Variants in CATSPERD observed in about 807,000 individuals in gnomAD.
The protein encoded by CATSPERD is catsper channel auxiliary subunit delta, also known as cation channel sperm-associated auxiliary subunit delta.
A neutral mutation model predicts 98.1 loss-of-function variants in CATSPERD; 86 were observed. That is an observed-to-expected ratio of 0.88 (90% confidence interval 0.74 to 1.05). The LOEUF is 1.05. Ranked by LOEUF, CATSPERD falls within the 50% of genes least tolerant of loss-of-function variation. The pLI is 0.00. For missense variants in CATSPERD, 995 were observed against 1,005.7 expected (o/e 0.99, Z 0.14); for synonymous variants, 394 against 390.2 (o/e 1.01, Z -0.12).
At chr19:5,749,501 T>C (rs1289219533) in intron 11 of CATSPERD, among the ~76,000 whole-genome samples, 1 of 152,168 alleles carries the variant, frequency 6.6e-6, no homozygotes, top group Admixed American at 6.6e-5. Flanking sequence ...AATAATGGTC[T>C]TGTTCACAAA....
intron 19 of CATSPERD, 98 bp from the exon 20 acceptor site, chr19:5,772,690 C>A: frequency 8.0e-7 from 1 of 1,253,270 alleles, no homozygotes; most frequent in Non-Finnish European, 1.1e-6. Flanking sequence ...CACCTCCCAC[C>A]CCCCAAGCGG....
chr19:5,767,551 G>C (rs1248973413), intron 17 of CATSPERD, among the ~76,000 whole-genome samples: 1 of 147,348 alleles, frequency 6.8e-6, no homozygotes, highest in Non-Finnish European at 1.5e-5. Flanking sequence ...GCAGTGGCAT[G>C]ATCTCGGCTC....
chr19:5,764,460 C>T (rs531041421), intron 16 of CATSPERD, among the ~76,000 whole-genome samples: 309 of 151,686 alleles, frequency 2.0e-3, no homozygotes, highest in African/African-American at 7.1e-3. Context: ...GGACTACAGG[C>T]GCCTGCCACC....
chr19:5,728,497 C>T (rs537189346), intron 3 of CATSPERD, among the ~76,000 whole-genome samples: 16 of 151,854 alleles, frequency 1.1e-4, no homozygotes, highest in Non-Finnish European at 2.1e-4. Context: ...CGAGGGGGTA[C>T]AGTGAGCCAT....
At chr19:5,762,058 A>ATTTTTTTTTTTTTTTT (rs869295948) in intron 15 of CATSPERD, among the ~76,000 whole-genome samples, 2 of 10,442 alleles carry the variant, frequency 1.9e-4, no homozygotes, top group Non-Finnish European at 3.6e-4. Context: ...ATATATATAT[A>ATTTTTTTTTTTTTTTT]TTTTTTTTTT....
At chr19:5,762,058 A>ATATATATATATATATATATATT in intron 15 of CATSPERD, among the ~76,000 whole-genome samples, 2 of 10,440 alleles carry the variant, frequency 1.9e-4, no homozygotes, top group Non-Finnish European at 3.6e-4. Context: ...ATATATATAT[A>ATATATATATATATATATATATT]TTTTTTTTTT....
At chr19:5,728,131 G>T (rs1391967438) in intron 3 of CATSPERD, among the ~76,000 whole-genome samples, 6 of 151,518 alleles carry the variant, frequency 4.0e-5, no homozygotes, top group Non-Finnish European at 7.4e-5. Flanking sequence ...AGGCCGAGGT[G>T]GGGGGATCAC....
chr19:5,769,084 G>A (rs1599590810), intron 18 of CATSPERD, among the ~76,000 whole-genome samples: 1 of 151,794 alleles, frequency 6.6e-6, no homozygotes, highest in East Asian at 1.9e-4. Context: ...AAACTGGGAG[G>A]CAGAGGTTGC....
At chr19:5,767,889 C>G (rs1222065032) in intron 17 of CATSPERD, among the ~76,000 whole-genome samples, 1 of 152,080 alleles carries the variant, frequency 6.6e-6, no homozygotes, top group Non-Finnish European at 1.5e-5. Flanking sequence ...CTCCGCCTCC[C>G]AGGTTCAAGT....
rs116784915 is a variant in CATSPERD at position 5,754,216 on chromosome 19, C to T, written c.1249C>T (p.Pro417Ser). The stretch of plus-strand genomic sequence containing the variant: ...GCTGGAATTGACTGCTTCGTTGATA[C>T]CCCAGCCAGGCACATCCCTGATTCC... ...SQLELTASLI[P>S]QPGTSLIPLV... The change falls in exon 13 of 22, where the codon CCC becomes TCC. Residue 417 changes from proline to serine, a missense_variant. Coordinates refer to ENST00000381624, the MANE Select transcript of CATSPERD (RefSeq NM_152784.4). 1,846 of 1,613,420 alleles carry T rather than the reference C, an allele frequency of 1.1e-3. 25 individuals carry two copies. The African/African-American group carries it at 0.022, about 19-fold the overall frequency.
At chr19:5,721,538 T>C (rs1365309105) in intron 1 of CATSPERD, among the ~76,000 whole-genome samples, 1 of 152,240 alleles carries the variant, frequency 6.6e-6, no homozygotes, top group Non-Finnish European at 1.5e-5. Flanking sequence ...GTTCCTGCCC[T>C]CAGGGAACTC....
chr19:5,723,378 A>C (rs576044070), intron 1 of CATSPERD, among the ~76,000 whole-genome samples: 1 of 149,410 alleles, frequency 6.7e-6, no homozygotes, highest in East Asian at 2.1e-4. Flanking sequence ...TCTGCCTCCA[A>C]GGTTCAAGCG....
intron 7 of CATSPERD, among the ~76,000 whole-genome samples, chr19:5,742,398 C>T (rs1353539054): frequency 1.3e-5 from 2 of 152,114 alleles, no homozygotes; most frequent in African/African-American, 4.8e-5. Context: ...TTATCACGGA[C>T]ATTTCAAGAG....
chr19:5,760,926 G>C (rs1207367182), intron 15 of CATSPERD, among the ~76,000 whole-genome samples: 1 of 150,154 alleles, frequency 6.7e-6, no homozygotes, highest in African/African-American at 2.5e-5. Flanking sequence ...GCGACAGAGC[G>C]AGACCCCCAT....
At chr19:5,731,301 G>A (rs79928075) in intron 4 of CATSPERD, among the ~76,000 whole-genome samples, 48 of 151,328 alleles carry the variant, frequency 3.2e-4, no homozygotes, top group African/African-American at 1.1e-3. Flanking sequence ...GCAACACAAC[G>A]AAACTCCAAC....
chr19:5,767,858 G>A (rs996507043), intron 17 of CATSPERD, among the ~76,000 whole-genome samples: 4 of 151,224 alleles, frequency 2.6e-5, no homozygotes, highest in East Asian at 2.0e-4. Context: ...GTGCAATGGT[G>A]CAATCTCAGC....
chr19:5,740,762 CAA>C lies in CATSPERD; in HGVS notation c.573+1346_573+1347del, dbSNP rs59937872. On this transcript the variant is annotated intron_variant, in intron 7 of 21. Transcript: ENST00000381624. Reference sequence around the variant, plus strand: ...CCTGGGCAACAGAGAAACTCCGTCTCAAAAAAAAAAAAAAAAAAAAAAAAGCT... The same window carrying C: ...CCTGGGCAACAGAGAAACTCCGTCTCAAAAAAAAAAAAAAAAAAAAAAGCT... Among the ~76,000 whole-genome samples, 154 of 36,442 alleles carry C rather than the reference CAA, an allele frequency of 4.2e-3. 1 individual carries two copies. The highest frequency in any genetic ancestry group is 0.014 in the African/African-American group (139 of 9,980). The allele number at this position is 36,442 out of a possible 152,430, so 23.9% of individuals were successfully genotyped here. A position where few individuals can be genotyped will look rare whatever the true frequency, so the allele number is the denominator to read the frequency against.
At chr19:5,722,862 A>G (rs1464410120) in intron 1 of CATSPERD, among the ~76,000 whole-genome samples, 1 of 151,968 alleles carries the variant, frequency 6.6e-6, no homozygotes, top group African/African-American at 2.4e-5. Context: ...AGGACTTCAT[A>G]ATTTTCCTCA....
intron 4 of CATSPERD, among the ~76,000 whole-genome samples, chr19:5,731,482 C>T (rs2055716284): frequency 6.7e-6 from 1 of 149,504 alleles, no homozygotes; most frequent in African/African-American, 2.5e-5. Context: ...TTGAGACTAT[C>T]TCAAAATAAA....
Sources: gnomAD v4.1 joint callset for allele counts (sites outside exome capture counted in the v4.1 genomes callset) on GRCh38, gnomAD v4.1.1 for gene constraint, MANE v1.5 for transcripts, NCBI Gene and HGNC (gene_info 2026-07-23, HGNC 2026-07-21) for gene names.